Variants in NSUN6 observed in about 807,000 individuals in gnomAD.
The protein encoded by NSUN6 is NOP2/Sun RNA methyltransferase 6.
In NSUN6, 64 loss-of-function variants were observed where a neutral mutation model predicts 58.0. The observed-to-expected ratio is 1.10, with a 90% CI of 0.90 to 1.36. The LOEUF is 1.36. NSUN6 is among the 40% of genes most tolerant of loss of function. NSUN6 has a pLI of 0.00. For synonymous variants in NSUN6, 231 were observed against 193.9 expected, an observed-to-expected ratio of 1.19 and a Z score of -1.59; for missense variants, 701 against 550.1, an observed-to-expected ratio of 1.27 and a Z score of -2.74.
chr10:18,551,286 G>GTGTGTGTGTGTGTGTA (rs1554848031), intron 9 of NSUN6, among the ~76,000 whole-genome samples: 1 of 146,164 alleles, frequency 6.8e-6, no homozygotes, highest in African/African-American at 2.5e-5. Flanking sequence ...GTGTGTGTGT[G>GTGTGTGTGTGTGTGTA]TGTGTGGTAA....
intron 8 of NSUN6, among the ~76,000 whole-genome samples, chr10:18,555,458 G>C (rs930883015): frequency 6.6e-6 from 1 of 151,104 alleles, no homozygotes; most frequent in African/African-American, 2.4e-5. Flanking sequence ...GTGGAATAGA[G>C]AATGGGATAG....
Position 18,608,760 on chromosome 10 carries a change from C to T in NSUN6, c.657+1085G>A, listed in dbSNP as rs987088443. Among the ~76,000 whole-genome samples, 124 of 151,888 alleles carry T rather than the reference C, an allele frequency of 8.2e-4. 1 individual carries two copies. The highest frequency in any genetic ancestry group is 2.9e-3 in the African/African-American group (120 of 41,414). On this transcript the variant is annotated intron_variant, in intron 6 of 10. Transcript: ENST00000377304. ...GGAGTGCAGGTATCACTAGCAATGA[C>T]TCAGGGCTACGTTGCCAAATGAACA...
At chr10:18,549,229 T>C (rs751121012) in intron 9 of NSUN6, among the ~76,000 whole-genome samples, 4 of 152,146 alleles carry the variant, frequency 2.6e-5, no homozygotes, top group Non-Finnish European at 5.9e-5. Context: ...ACAAGTCTCT[T>C]GTTGCCTCTC....
intron 8 of NSUN6, among the ~76,000 whole-genome samples, chr10:18,583,351 C>A (rs568101763): frequency 6.6e-6 from 1 of 152,142 alleles, no homozygotes; most frequent in East Asian, 1.9e-4. Context: ...CACCTGCACC[C>A]AGGTGAATTA....
chr10:18,649,097 A>G lies in NSUN6; in HGVS notation c.76-452T>C, dbSNP rs557334020. 4.6e-5 allele frequency among the ~76,000 whole-genome samples: 7 copies of G among 152,302 alleles called. No homozygotes were observed. In the South Asian group the frequency reaches 1.0e-3, roughly 23 times the overall value. On this transcript the variant is annotated intron_variant, in intron 1 of 10. Coordinates refer to ENST00000377304, the MANE Select transcript of NSUN6 (RefSeq NM_182543.5). ...GCTGGTATCCTTTTAAAATACCAAT[A>G]TTTAAAAAATAAGTAATATTGATAT... is the stretch of plus-strand genomic sequence containing the variant.
chr10:18,620,084 A>G (rs934169154), intron 3 of NSUN6, among the ~76,000 whole-genome samples: 1 of 104,992 alleles, frequency 9.5e-6, no homozygotes, highest in African/African-American at 3.7e-5. Flanking sequence ...TTTTACTAAT[A>G]AAAAAAATTT....
intron 8 of NSUN6, among the ~76,000 whole-genome samples, chr10:18,579,236 G>A (rs1200999561): frequency 3.3e-5 from 5 of 152,000 alleles, no homozygotes; most frequent in South Asian, 2.1e-4. Flanking sequence ...GCAGTGGAGC[G>A]ATCTCGGCTC....
In NSUN6 at chr10:18,614,528, T is replaced by C; in HGVS notation, c.507A>G (p.Lys169=). ...CAGAAATCCCATTTCCAAGAAATAC[T>C]TTTGTTCCATCAAATTCTTTGGCTC... The part of the protein sequence containing the change: ...KKGAKEFDGT[K]VFLGNGISEL... Residue 169 remains lysine (K), a synonymous_variant, in exon 5 of 11, where the codon AAA becomes AAG. Coordinates refer to ENST00000377304, the MANE Select transcript of NSUN6 (RefSeq NM_182543.5). The C allele has an allele frequency of 1.3e-6, 2 of 1,553,392 alleles. No individual in the cohort carries two copies. Among genetic ancestry groups the C allele is most frequent in the Non-Finnish European group, 1.7e-6 (2 of 1,149,470 alleles).
rs1554869914 is a variant in NSUN6, at chr10:18,600,941, A to ATATAT, written c.658-4615_658-4614insATATA. Among the ~76,000 whole-genome samples, 92 of 43,520 alleles carry ATATAT rather than the reference A, an allele frequency of 2.1e-3. 2 individuals are homozygous for ATATAT. Among genetic ancestry groups the ATATAT allele is most frequent in the South Asian group, 6.3e-3 (8 of 1,280 alleles). 28.6% of individuals were successfully genotyped at this position (43,520 alleles called of 152,430 possible). A position where few individuals can be genotyped will look rare whatever the true frequency, so the allele number is the denominator to read the frequency against. On this transcript the variant is annotated intron_variant, in intron 6 of 10. Transcript: ENST00000377304. ...AGACTCCATCTCAAAAAAAAAAAAAAATATATATATATATATATACATATA... is the reference window on the plus strand; with the variant it reads ...AGACTCCATCTCAAAAAAAAAAAAAATATATATATATATATATATATATACATATA...
At chr10:18,566,121 T>A (rs1369658123) in intron 8 of NSUN6, among the ~76,000 whole-genome samples, 4 of 141,222 alleles carry the variant, frequency 2.8e-5, no homozygotes, top group East Asian at 2.0e-4. Context: ...CCATTCCACA[T>A]TTCATTCCAT....
Position 18,611,007 on chromosome 10 carries a change from C to G in NSUN6, c.576-1081G>C, listed in dbSNP as rs140915162. 7.8e-3 allele frequency among the ~76,000 whole-genome samples: 1,191 copies of G among 152,172 alleles called. 34 individuals are homozygous for G. The highest frequency in any genetic ancestry group is 0.052 in the Admixed American group (788 of 15,286). ...TCACTTGAGGTCAGAAGTTTGACAG[C>G]AGCCTGGGCAACATCTCTACATAAA... On this transcript the variant is annotated intron_variant, in intron 5 of 10. Transcript: ENST00000377304.
At chr10:18,644,582 A>G (rs1474634408) in intron 2 of NSUN6, among the ~76,000 whole-genome samples, 3 of 151,464 alleles carry the variant, frequency 2.0e-5, no homozygotes. Context: ...CATGCCTGTA[A>G]TCCCAGCACT....
chr10:18,652,322 C>A, upstream of NSUN6: 1 of 984,270 alleles, frequency 1.0e-6, no homozygotes, highest in Non-Finnish European at 1.2e-6. Context: ...ACAGGAAAGT[C>A]AAAATAATTC....
chr10:18,615,330 T>C (rs2058372852), intron 4 of NSUN6, among the ~76,000 whole-genome samples: 1 of 152,204 alleles, frequency 6.6e-6, no homozygotes, highest in South Asian at 2.1e-4. Flanking sequence ...TAATCTATCA[T>C]AAATTTATTT....
chr10:18,608,812 T>A (rs1325940031), intron 6 of NSUN6, among the ~76,000 whole-genome samples: 3 of 151,992 alleles, frequency 2.0e-5, no homozygotes, highest in African/African-American at 7.3e-5. Context: ...AATTACATAA[T>A]AAACAAGCAC....
chr10:18,642,695 G>A, intron 2 of NSUN6, 140 bp from the exon 3 acceptor site: 3 of 490,968 alleles, frequency 6.1e-6, no homozygotes, highest in South Asian at 7.8e-5. Context: ...ACGGGATACT[G>A]TAAAAATCCA....
intron 6 of NSUN6, among the ~76,000 whole-genome samples, chr10:18,608,607 C>A (rs562584477): frequency 1.4e-5 from 2 of 138,316 alleles, no homozygotes; most frequent in Admixed American, 1.6e-4. Flanking sequence ...CCACTGCACT[C>A]GAGCCTGCGT....
In NSUN6 at chr10:18,548,206, A is replaced by G. The variant is rs758778360; in HGVS notation, c.1103T>C (p.Leu368Pro). ...AVQLLKPEGV[L>P]VYSTCTITLA... ...TGTTATAGTGCACGTGCTATAAACC[A>G]GCACACCCTCTGGCTTCAGCAGCTG... Residue 368 changes from leucine to proline, a missense_variant, in exon 10 of 11, where the codon CTG (leucine) becomes CCG (proline). By Grantham distance (98) the Leu-to-Pro change is moderately conservative. Transcript: ENST00000377304. 1 of 1,613,324 alleles carries G rather than the reference A, an allele frequency of 6.2e-7. No homozygotes were observed. Among genetic ancestry groups the G allele is most frequent in the Non-Finnish European group, 8.5e-7 (1 of 1,179,452 alleles).
In NSUN6 at chr10:18,646,954, A is replaced by G. The variant is rs569760287; in HGVS notation, c.231+1536T>C. On this transcript the variant is annotated intron_variant, in intron 2 of 10. Transcript: ENST00000377304. The stretch of plus-strand genomic sequence containing the variant: ...GGAAAAGTAATGATTTTAGTTGCTT[A>G]GGGCAACTACTTATGTTTTATACCT... 1.1e-4 allele frequency among the ~76,000 whole-genome samples: 16 copies of G among 152,348 alleles called. No individual in the cohort carries two copies. The East Asian group carries it at 2.3e-3, about 22-fold the overall frequency.
Sources: allele counts gnomAD v4.1 joint callset (sites outside exome capture counted in the v4.1 genomes callset), GRCh38; gene constraint gnomAD v4.1.1; transcripts MANE v1.5; gene names NCBI Gene and HGNC (gene_info 2026-07-23, HGNC 2026-07-21).